The following GRIK2 variants were observed in gnomAD, a reference collection of about 807,000 sequenced individuals.
The protein encoded by GRIK2 is glutamate receptor ionotropic, kainate 2.
GRIK2 carries 32 observed loss-of-function variants against 100.3 expected under a neutral mutation model. The observed-to-expected ratio is 0.32, with a 90% CI of 0.24 to 0.43. The LOEUF (loss-of-function observed/expected upper bound fraction) is 0.43. Among genes scored for constraint, GRIK2 ranks in the 20% least tolerant of loss-of-function variants. The probability of loss-of-function intolerance (pLI) is 1.00; values close to 1 mark genes in which losing one functional copy is unlikely to be tolerated. For synonymous variants in GRIK2, 417 were observed against 389.4 expected, an observed-to-expected ratio of 1.07 and a Z score of -0.83; for missense variants, 843 against 1,114.9, an observed-to-expected ratio of 0.76 and a Z score of 3.47.
At chr6:102,034,417 T>TA (rs1180197356) in intron 14 of GRIK2, among the ~76,000 whole-genome samples, 2 of 151,554 alleles carry the variant, frequency 1.3e-5, no homozygotes, top group East Asian at 3.9e-4. Context: ...TTTATGATAA[T>TA]ACAAGCAGTA....
intron 2 of GRIK2, among the ~76,000 whole-genome samples, chr6:101,531,222 A>G (rs1398433999): frequency 6.6e-6 from 1 of 151,944 alleles, no homozygotes; most frequent in Admixed American, 6.6e-5. Context: ...TCAAAATTGA[A>G]GACTCCTCCA....
intron 2 of GRIK2, among the ~76,000 whole-genome samples, chr6:101,417,396 T>C (rs1391425656): frequency 6.6e-6 from 1 of 152,196 alleles, no homozygotes; most frequent in East Asian, 1.9e-4. Flanking sequence ...CATCTTCTAA[T>C]GGAGCCTATA....
At chr6:101,652,196 T>C (rs368963867) in intron 4 of GRIK2, among the ~76,000 whole-genome samples, 1 of 152,124 alleles carries the variant, frequency 6.6e-6, no homozygotes, top group Non-Finnish European at 1.5e-5. Context: ...AAATTCATAT[T>C]GAAACTCTCA....
At chr6:101,887,953 T>C (rs1223596086) in intron 11 of GRIK2, among the ~76,000 whole-genome samples, 1 of 152,202 alleles carries the variant, frequency 6.6e-6, no homozygotes, top group Non-Finnish European at 1.5e-5. Flanking sequence ...TTATTTCTGT[T>C]AACAAAGTTG....
chr6:101,701,132 A>G (rs763397124), intron 7 of GRIK2, among the ~76,000 whole-genome samples: 2 of 152,112 alleles, frequency 1.3e-5, no homozygotes, highest in Non-Finnish European at 2.9e-5. Flanking sequence ...ATAATGACTC[A>G]GTTTTCTGTT....
intron 12 of GRIK2, among the ~76,000 whole-genome samples, chr6:101,896,784 A>G (rs1787472913): frequency 6.6e-6 from 1 of 151,736 alleles, no homozygotes; most frequent in African/African-American, 2.4e-5. Context: ...AACTATGGTC[A>G]TCTGTGATGA....
chr6:101,447,047 TTA>T (rs1479856826), intron 2 of GRIK2, among the ~76,000 whole-genome samples: 1 of 148,428 alleles, frequency 6.7e-6, no homozygotes, highest in African/African-American at 2.4e-5. Context: ...TGTGTATATA[TTA>T]TGTTTGTGTA....
intron 2 of GRIK2, among the ~76,000 whole-genome samples, chr6:101,556,437 C>T (rs1282456077): frequency 3.4e-5 from 5 of 146,496 alleles, no homozygotes; most frequent in Non-Finnish European, 6.0e-5. Flanking sequence ...CAGGTTCACG[C>T]CATTCTCCTG....
At chr6:101,633,455 G>T (rs757622309) in intron 4 of GRIK2, among the ~76,000 whole-genome samples, 1 of 152,042 alleles carries the variant, frequency 6.6e-6, no homozygotes, top group Non-Finnish European at 1.5e-5. Context: ...GATAATATGT[G>T]TCATACTTCA....
intron 12 of GRIK2, among the ~76,000 whole-genome samples, chr6:101,909,103 T>C (rs1324732008): frequency 6.6e-6 from 1 of 151,294 alleles, no homozygotes; most frequent in Non-Finnish European, 1.5e-5. Flanking sequence ...TCTGTAACTT[T>C]TATTAAGGTA....
intron 15 of GRIK2, among the ~76,000 whole-genome samples, chr6:102,041,565 G>C (rs558229782): frequency 6.6e-6 from 1 of 151,616 alleles, no homozygotes; most frequent in Non-Finnish European, 1.5e-5. Flanking sequence ...TTTGGCCTTT[G>C]TAGTCAGATG....
chr6:101,409,948 C>A (rs1222353049), intron 2 of GRIK2, among the ~76,000 whole-genome samples: 4 of 151,892 alleles, frequency 2.6e-5, no homozygotes, highest in Admixed American at 6.6e-5. Flanking sequence ...TTGAAATATA[C>A]CTCAATTATT....
At chr6:101,538,814 G>A (rs1333317433) in intron 2 of GRIK2, among the ~76,000 whole-genome samples, 1 of 151,578 alleles carries the variant, frequency 6.6e-6, no homozygotes, top group Non-Finnish European at 1.5e-5. Flanking sequence ...AAATATCTGA[G>A]ATTTTTCTGA....
chr6:101,612,741 T>TGTG (rs1554228577), intron 2 of GRIK2, among the ~76,000 whole-genome samples: 49 of 151,472 alleles, frequency 3.2e-4, no homozygotes, highest in African/African-American at 1.2e-3. Context: ...TGTGTGTGTG[T>TGTG]GTGTGTGTGT....
chr6:101,524,429 AG>A (rs1179729484), intron 2 of GRIK2, among the ~76,000 whole-genome samples: 1 of 152,028 alleles, frequency 6.6e-6, no homozygotes, highest in Non-Finnish European at 1.5e-5. Context: ...ATAATTTCTA[AG>A]GGAGTTGGTG....
At chr6:101,707,718 C>T (rs1400708953) in intron 7 of GRIK2, among the ~76,000 whole-genome samples, 1 of 150,354 alleles carries the variant, frequency 6.7e-6, no homozygotes, top group Admixed American at 6.7e-5. Flanking sequence ...TGGAAAGGTG[C>T]TCAACTTACT....
At chr6:101,675,540 G>A (rs1447792860) in intron 4 of GRIK2, among the ~76,000 whole-genome samples, 8 of 152,018 alleles carry the variant, frequency 5.3e-5, no homozygotes, top group East Asian at 1.9e-4. Context: ...AATGGAATTG[G>A]ATGATCTTTT....
rs1336480302 is a variant in GRIK2 at position 101,642,119 on chromosome 6, TA to T, written c.541+15485del. On this transcript the variant is annotated intron_variant, in intron 4 of 16. Coordinates refer to ENST00000369134, the MANE Select transcript of GRIK2 (RefSeq NM_021956.5). The stretch of plus-strand genomic sequence containing the variant: ...TAGTTTTACTTTTTAATTTAACTTT[TA>T]AAGAATTTTGCAAAATAAAACAGAA... Among the ~76,000 whole-genome samples, 3 of 152,024 alleles carry T rather than the reference TA, an allele frequency of 2.0e-5. No individual in the cohort carries two copies. In the East Asian group the frequency reaches 5.8e-4, roughly 29 times the overall value.
chr6:101,621,311 G>T (rs914417893), intron 2 of GRIK2, among the ~76,000 whole-genome samples: 1 of 152,062 alleles, frequency 6.6e-6, no homozygotes, highest in African/African-American at 2.4e-5. Context: ...AAATTAGCTG[G>T]AAATGATGGC....
Sources: allele counts gnomAD v4.1 joint callset (sites outside exome capture counted in the v4.1 genomes callset), GRCh38; gene constraint gnomAD v4.1.1; transcripts MANE v1.5; gene names NCBI Gene and HGNC (gene_info 2026-07-23, HGNC 2026-07-21).